Variants in NFATC3 observed in about 807,000 individuals in gnomAD.
The protein encoded by NFATC3 is nuclear factor of activated T-cells, cytoplasmic 3.
In NFATC3, 46 loss-of-function variants were observed where a neutral mutation model predicts 98.6. The observed-to-expected ratio is 0.47, with a 90% CI of 0.37 to 0.60. The LOEUF (loss-of-function observed/expected upper bound fraction) is 0.60, where lower values mean the gene tolerates loss of function less well. Among genes scored for constraint, NFATC3 ranks in the 20% least tolerant of loss-of-function variants. The pLI is 0.00. For missense variants in NFATC3, 1,256 were observed against 1,295.5 expected (o/e 0.97, Z 0.47); for synonymous variants, 512 against 472.2 (o/e 1.08, Z -1.09).
At chr16:68,147,578 A>G (rs2038100559) in intron 3 of NFATC3, among the ~76,000 whole-genome samples, 1 of 152,178 alleles carries the variant, frequency 6.6e-6, no homozygotes, top group Non-Finnish European at 1.5e-5. Flanking sequence ...GCAAGTGGTA[A>G]AGTTGTTGCT....
At chr16:68,175,354 G>A (rs1263399576) in intron 6 of NFATC3, among the ~76,000 whole-genome samples, 6 of 152,162 alleles carry the variant, frequency 3.9e-5, no homozygotes, top group Admixed American at 6.5e-5. Flanking sequence ...GGTGATGGTT[G>A]TACTGCTCTG....
intron 8 of NFATC3, among the ~76,000 whole-genome samples, chr16:68,186,257 A>T (rs980792884): frequency 2.0e-5 from 3 of 152,118 alleles, no homozygotes; most frequent in African/African-American, 7.2e-5. Flanking sequence ...ATATTAAAAC[A>T]TTCAAATTCT....
At position 68,166,850 on chromosome 16, in the gene NFATC3, T is replaced by G. The variant is rs1259467948; in HGVS notation, c.1609T>G (p.Cys537Gly). The change falls in exon 5 of 10, where the codon TGT becomes GGT. Residue 537 changes from cysteine (C) to glycine (G), a missense_variant. Cys to Gly is a radical substitution (Grantham distance 159, BLOSUM62 -3). This residue lies in a region of NFATC3 where 156 missense variants were observed against 212.4 expected (regional missense o/e 0.73). Transcript: ENST00000346183. ...PENNMSASID[C>G]AGILKLRNSD... ...TTGTATTTTTCTCTTTAGTATTGAT[T>G]GTGCAGGTATTTTGAAACTCCGCAA... 1.9e-6 allele frequency: 3 copies of G among 1,611,926 alleles called. No homozygotes were observed. The highest frequency in any genetic ancestry group is 1.1e-5 in the South Asian group (1 of 90,860).
chr16:68,188,535 A>G (rs551054210), intron 8 of NFATC3, among the ~76,000 whole-genome samples: 1 of 152,328 alleles, frequency 6.6e-6, no homozygotes, highest in East Asian at 1.9e-4. Flanking sequence ...GGGTCATGGC[A>G]GTGGCCACTC....
intron 1 of NFATC3, among the ~76,000 whole-genome samples, chr16:68,117,994 A>T (rs2036376777): frequency 6.6e-6 from 1 of 152,194 alleles, no homozygotes; most frequent in Non-Finnish European, 1.5e-5. Context: ...CAAAGCCCTT[A>T]CTACAGTTCT....
chr16:68,162,998 C>T (rs1427480399), intron 4 of NFATC3, among the ~76,000 whole-genome samples: 1 of 151,846 alleles, frequency 6.6e-6, no homozygotes, highest in Non-Finnish European at 1.5e-5. Context: ...GCACATCTTG[C>T]ACCGCCCTTA....
intron 9 of NFATC3, among the ~76,000 whole-genome samples, chr16:68,202,718 A>G (rs553442704): frequency 1.3e-4 from 20 of 152,286 alleles, no homozygotes; most frequent in Admixed American, 1.3e-4. Flanking sequence ...AGGCTGAGGC[A>G]GGAGAATCGC....
chr16:68,161,970 T>A (rs2038913715), intron 4 of NFATC3, among the ~76,000 whole-genome samples: 1 of 152,136 alleles, frequency 6.6e-6, no homozygotes, highest in Non-Finnish European at 1.5e-5. Context: ...GGAACAAGGG[T>A]AATAGTCATA....
At position 68,135,418 on chromosome 16, in the gene NFATC3, G is replaced by A. The variant is rs373528972; in HGVS notation, c.1401+8808G>A. On this transcript the variant is annotated intron_variant, in intron 3 of 9. Transcript: ENST00000346183. ...GCTTGCAGTGAGCTGAGATTGCGCC[G>A]CTGCACTCCAACCTGGGGGACACAG... Among the ~76,000 whole-genome samples, 1,139 of 136,524 alleles carry A rather than the reference G, an allele frequency of 8.3e-3. 7 individuals carry two copies. The highest frequency in any genetic ancestry group is 0.013 in the Non-Finnish European group (862 of 66,106). 89.6% of individuals were successfully genotyped at this position (136,524 alleles called of 152,430 possible).
At chr16:68,210,931 A>G (rs1186647342) in intron 9 of NFATC3, among the ~76,000 whole-genome samples, 1 of 151,910 alleles carries the variant, frequency 6.6e-6, no homozygotes, top group African/African-American at 2.4e-5. Context: ...ACAAGTGCGC[A>G]CCACCATGCC....
chr16:68,100,907 G>GGGTGT (rs2035311317), intron 1 of NFATC3, among the ~76,000 whole-genome samples: 14 of 142,918 alleles, frequency 9.8e-5, no homozygotes, highest in African/African-American at 2.3e-4. Flanking sequence ...GTGTGTGTGG[G>GGGTGT]GTGTGTGTGT....
At chr16:68,144,904 G>A (rs2037955154) in intron 3 of NFATC3, among the ~76,000 whole-genome samples, 1 of 151,840 alleles carries the variant, frequency 6.6e-6, no homozygotes, top group African/African-American at 2.4e-5. Context: ...GTGATCCACT[G>A]GCCTCAGCCT....
intron 1 of NFATC3, among the ~76,000 whole-genome samples, chr16:68,103,734 A>G (rs1395085886): frequency 1.3e-5 from 2 of 152,168 alleles, no homozygotes; most frequent in Non-Finnish European, 2.9e-5. Flanking sequence ...GGTATGAGGA[A>G]GGGGTTCAAC....
chr16:68,195,877 G>A (rs1006066364), intron 9 of NFATC3, among the ~76,000 whole-genome samples: 6 of 151,852 alleles, frequency 4.0e-5, no homozygotes, highest in African/African-American at 1.5e-4. Flanking sequence ...TTTTGTGATG[G>A]TAGTCTCACC....
At chr16:68,162,724 G>A (rs1175415699) in intron 4 of NFATC3, among the ~76,000 whole-genome samples, 1 of 151,734 alleles carries the variant, frequency 6.6e-6, no homozygotes, top group Non-Finnish European at 1.5e-5. Context: ...AGAAAGACAA[G>A]CAAAGATCAA....
intron 7 of NFATC3, among the ~76,000 whole-genome samples, chr16:68,182,763 C>T (rs930250200): frequency 5.3e-5 from 8 of 152,062 alleles, no homozygotes; most frequent in African/African-American, 1.9e-4. Context: ...AAGTGATCCG[C>T]CCACCTCAGC....
At chr16:68,135,458 A>C (rs978099517) in intron 3 of NFATC3, among the ~76,000 whole-genome samples, 2 of 41,698 alleles carry the variant, frequency 4.8e-5, no homozygotes, top group African/African-American at 1.1e-4. Context: ...ACTCCGTCTC[A>C]AAAAAAAAAA....
chr16:68,195,292 C>A (rs1443196600), intron 9 of NFATC3, among the ~76,000 whole-genome samples: 1 of 152,048 alleles, frequency 6.6e-6, no homozygotes, highest in Non-Finnish European at 1.5e-5. Context: ...TAGATTGTAG[C>A]CCCCCAGAGA....
At chr16:68,162,769 T>A (rs2038955141) in intron 4 of NFATC3, among the ~76,000 whole-genome samples, 2 of 151,486 alleles carry the variant, frequency 1.3e-5, no homozygotes, top group South Asian at 4.2e-4. Flanking sequence ...TTTTAATTGA[T>A]CATTCTTGGG....
Sources: gnomAD v4.1 joint callset for allele counts (sites outside exome capture counted in the v4.1 genomes callset) on GRCh38, gnomAD v4.1.1 for gene constraint, gnomAD v4.1.1 regional missense constraint, MANE v1.5 for transcripts, NCBI Gene and HGNC (gene_info 2026-07-23, HGNC 2026-07-21) for gene names.